MVB12B: variants seen among roughly 807,000 people sequenced by gnomAD.
MVB12B encodes the protein ESCRT-I complex subunit MVB12B.
A neutral mutation model predicts 41.6 loss-of-function variants in MVB12B; 16 were observed. The observed-to-expected ratio is 0.38, with a 90% CI of 0.26 to 0.58. The LOEUF (loss-of-function observed/expected upper bound fraction) is 0.58. Ranked by LOEUF, MVB12B falls within the 20% of genes least tolerant of loss-of-function variation. MVB12B has a pLI of 0.62. For synonymous variants in MVB12B, 133 were observed against 139.7 expected (o/e 0.95, Z 0.34); for missense variants, 274 against 380.2 (o/e 0.72, Z 2.32).
chr9:126,406,468 A>G (rs1035528045), intron 6 of MVB12B, among the ~76,000 whole-genome samples: 18 of 152,254 alleles, frequency 1.2e-4, no homozygotes, highest in African/African-American at 4.3e-4. Flanking sequence ...TCTCACGCAC[A>G]CAGTCCTTTA....
intron 9 of MVB12B, among the ~76,000 whole-genome samples, 186 bp from the exon 10 acceptor site, chr9:126,502,991 C>T (rs1437850360): frequency 1.3e-5 from 2 of 152,224 alleles, no homozygotes; most frequent in East Asian, 3.8e-4. Flanking sequence ...GCACACACGC[C>T]ACATGCACAG....
chr9:126,396,152 G>A (rs1247595954), intron 6 of MVB12B: 2 of 989,524 alleles, frequency 2.0e-6, no homozygotes, highest in Admixed American at 1.2e-4. Flanking sequence ...AGTAAGAAAT[G>A]GGTAGTTTGG....
At chr9:126,493,751 C>T (rs997398702) in intron 9 of MVB12B, among the ~76,000 whole-genome samples, 4 of 152,182 alleles carry the variant, frequency 2.6e-5, no homozygotes, top group African/African-American at 7.2e-5. Context: ...TTCTTGTGAA[C>T]GAGATCTTTT....
At chr9:126,377,207 A>G (rs1830506078) in intron 2 of MVB12B, among the ~76,000 whole-genome samples, 1 of 152,206 alleles carries the variant, frequency 6.6e-6, no homozygotes, top group Non-Finnish European at 1.5e-5. Context: ...GCTCCTCCTC[A>G]GAGACAGCTC....
chr9:126,452,734 G>A (rs371219792), intron 7 of MVB12B, among the ~76,000 whole-genome samples: 1 of 152,110 alleles, frequency 6.6e-6, no homozygotes, highest in Non-Finnish European at 1.5e-5. Context: ...GGGGTGATTT[G>A]GGAGTTTGGG....
At chr9:126,502,889 G>T (rs560258014) in intron 9 of MVB12B, among the ~76,000 whole-genome samples, 1 of 152,200 alleles carries the variant, frequency 6.6e-6, no homozygotes, top group Non-Finnish European at 1.5e-5. Flanking sequence ...CACACTGCTG[G>T]TGCCAGGCCT....
At chr9:126,498,098 G>A (rs1252213269) in intron 9 of MVB12B, among the ~76,000 whole-genome samples, 2 of 152,196 alleles carry the variant, frequency 1.3e-5, no homozygotes, top group Admixed American at 6.5e-5. Context: ...CTCCCGCAGC[G>A]TTTCAGAAGC....
At chr9:126,456,174 AG>A (rs1377262461) in intron 7 of MVB12B, among the ~76,000 whole-genome samples, 1 of 152,084 alleles carries the variant, frequency 6.6e-6, no homozygotes, top group Admixed American at 6.6e-5. Context: ...TGCAGGCATG[AG>A]CCACCACGCC....
chr9:126,418,113 C>G (rs999799391), intron 6 of MVB12B, among the ~76,000 whole-genome samples: 1 of 151,462 alleles, frequency 6.6e-6, no homozygotes. Flanking sequence ...GCTAAGCCAG[C>G]ACCCTTGCAA....
At chr9:126,412,693 C>G (rs1051709511) in intron 6 of MVB12B, among the ~76,000 whole-genome samples, 1 of 152,202 alleles carries the variant, frequency 6.6e-6, no homozygotes, top group East Asian at 1.9e-4. Context: ...AGGCTTCTGT[C>G]GTCAATACCG....
chr9:126,418,443 C>T (rs1831890703), intron 6 of MVB12B, among the ~76,000 whole-genome samples: 2 of 152,130 alleles, frequency 1.3e-5, no homozygotes, highest in Non-Finnish European at 2.9e-5. Context: ...CAAGTCATGT[C>T]GACAGGAATG....
chr9:126,332,769 T>G (rs568730711), intron 1 of MVB12B, among the ~76,000 whole-genome samples: 1 of 151,174 alleles, frequency 6.6e-6, no homozygotes. Context: ...AACTTGGCAA[T>G]TTTGAGAGGA....
At chr9:126,383,690 A>ACAGATGGGGG (rs1426685279) in intron 3 of MVB12B, among the ~76,000 whole-genome samples, 1 of 152,064 alleles carries the variant, frequency 6.6e-6, no homozygotes, top group East Asian at 1.9e-4. Flanking sequence ...GAAAGAGAGA[A>ACAGATGGGGG]CAGATGGGGG....
intron 2 of MVB12B, among the ~76,000 whole-genome samples, chr9:126,356,842 A>AT (rs949909803): frequency 1.3e-5 from 2 of 151,992 alleles, no homozygotes; most frequent in Non-Finnish European, 2.9e-5. Context: ...GCCATGTCAC[A>AT]TGCCTGCTCC....
intron 8 of MVB12B, among the ~76,000 whole-genome samples, chr9:126,482,037 C>T (rs992287610): frequency 5.9e-5 from 9 of 152,258 alleles, no homozygotes; most frequent in East Asian, 1.9e-4. Flanking sequence ...GCCAGGCTCA[C>T]GCCATCTTTT....
In MVB12B at chr9:126,326,959, C is replaced by G; in HGVS notation, c.30C>G (p.Ser10Arg). ...GAAGCTGCTTCTGCGTGAGACGGAG[C>G]CGGGACCCGCCGCCGCCGCAGCCAC... MRSCFCVRRSRDPPPPQPPP... is the reference protein window; with the variant it reads MRSCFCVRRRRDPPPPQPPP... Residue 10 changes from serine to arginine, a missense_variant, in exon 1 of 10, where the codon AGC (serine) becomes AGG (arginine). Ser to Arg is a moderately radical substitution (Grantham distance 110, BLOSUM62 -1). Coordinates refer to ENST00000361171, the MANE Select transcript of MVB12B (RefSeq NM_033446.3). 1 of 268,462 alleles carries G rather than the reference C, an allele frequency of 3.7e-6. No homozygotes were observed. Among genetic ancestry groups the G allele is most frequent in the South Asian group, 3.1e-5 (1 of 31,964 alleles). The allele number at this position is 268,462 out of a possible 1,614,324, so 16.6% of individuals were successfully genotyped here. A position where few individuals can be genotyped will look rare whatever the true frequency, so the allele number is the denominator to read the frequency against.
intron 7 of MVB12B, among the ~76,000 whole-genome samples, chr9:126,467,372 C>T (rs1265718122): frequency 3.9e-5 from 6 of 152,210 alleles, no homozygotes. Flanking sequence ...GCCCACGGTG[C>T]TGGTGTGACC....
In MVB12B at chr9:126,397,666, G is replaced by A. The variant is rs1831154896; in HGVS notation, c.662+1969G>A. On this transcript the variant is annotated intron_variant, in intron 6 of 9. Coordinates refer to ENST00000361171, the MANE Select transcript of MVB12B (RefSeq NM_033446.3). ...CTCCTGTGCGGTAATTTACAGGTAGGATGCACACCTATGTAAGCCTCATCC... is the reference window on the plus strand; with the variant it reads ...CTCCTGTGCGGTAATTTACAGGTAGAATGCACACCTATGTAAGCCTCATCC... 19 of 984,224 alleles carry A rather than the reference G, an allele frequency of 1.9e-5. No homozygotes were observed. The South Asian group carries it at 7.5e-4, about 39-fold the overall frequency. 61.0% of individuals were successfully genotyped at this position (984,224 alleles called of 1,614,324 possible).
At chr9:126,501,800 G>T (rs1273496256) in intron 9 of MVB12B, among the ~76,000 whole-genome samples, 1 of 152,210 alleles carries the variant, frequency 6.6e-6, no homozygotes, top group African/African-American at 2.4e-5. Context: ...CCCTTGGGAG[G>T]GCTCCTTGCT....
Sources: gnomAD v4.1 joint callset for allele counts (sites outside exome capture counted in the v4.1 genomes callset) on GRCh38, gnomAD v4.1.1 for gene constraint, MANE v1.5 for transcripts, NCBI Gene and HGNC (gene_info 2026-07-23, HGNC 2026-07-21) for gene names.